Variants in RBM20 observed in about 807,000 individuals in gnomAD.
RBM20 encodes RNA-binding protein 20.
A neutral mutation model predicts 110.1 loss-of-function variants in RBM20; 51 were observed. The ratio of observed to expected loss-of-function variants is 0.46; its 90% CI spans 0.37 to 0.59. The LOEUF is 0.59. RBM20 is among the 20% of genes least tolerant of loss of function. The pLI is 0.00. For synonymous variants in RBM20, 589 were observed against 618.2 expected (o/e 0.95, Z 0.70); for missense variants, 1,512 against 1,574.9 (o/e 0.96, Z 0.68).
intron 1 of RBM20, among the ~76,000 whole-genome samples, chr10:110,726,664 TC>T (rs1298533653): frequency 6.6e-6 from 1 of 152,206 alleles, no homozygotes; most frequent in Non-Finnish European, 1.5e-5. Flanking sequence ...CAAAACCACT[TC>T]CACTTCTGAT....
At chr10:110,831,831 T>C (rs1423684368) in intron 13 of RBM20, among the ~76,000 whole-genome samples, 1 of 152,130 alleles carries the variant, frequency 6.6e-6, no homozygotes, top group African/African-American at 2.4e-5. Context: ...TCTCATGGAT[T>C]TTTCATTCTA....
intron 1 of RBM20, among the ~76,000 whole-genome samples, chr10:110,751,002 C>CAGATGGGATA (rs11282720): frequency 1.3e-5 from 2 of 151,626 alleles, no homozygotes; most frequent in Non-Finnish European, 2.9e-5. Flanking sequence ...CGAAGTGGGG[C>CAGATGGGATA]AGACTAGAGT....
Position 110,784,329 on chromosome 10 carries a change from C to T in RBM20, c.1338-12C>T, listed in dbSNP as rs976772280. The T allele has an allele frequency of 1.2e-5, 19 of 1,543,052 alleles. No homozygotes were observed. The highest frequency in any genetic ancestry group is 4.9e-5 in the East Asian group (2 of 40,896). The stretch of plus-strand genomic sequence containing the variant: ...TATTAAGGAGCCGGTTTCCCTTTCT[C>T]GCCCTCTCCAGTGCTGGCATCCGGT... On this transcript the variant is annotated splice_polypyrimidine_tract_variant and intron_variant, in intron 3 of 13. Transcript: ENST00000369519.
At chr10:110,753,411 A>G (rs1843883925) in intron 1 of RBM20, among the ~76,000 whole-genome samples, 1 of 152,204 alleles carries the variant, frequency 6.6e-6, no homozygotes, top group African/African-American at 2.4e-5. Flanking sequence ...ATTGTTCTAC[A>G]CAGTGGAAGT....
At position 110,746,061 on chromosome 10, in the gene RBM20, C is replaced by T. The variant is rs1843776084; in HGVS notation, c.192-34740C>T. Among the ~76,000 whole-genome samples, 6 of 152,246 alleles carry T rather than the reference C, an allele frequency of 3.9e-5. No homozygotes were observed. In the Middle Eastern group the frequency reaches 0.014, roughly 345 times the overall value. ...GCCTTCAGCTGTTCTTGCCTGGGCT[C>T]GCTCATCACCACGTTTGGTAGCGAT... On this transcript the variant is annotated intron_variant, in intron 1 of 13. Coordinates refer to ENST00000369519, the MANE Select transcript of RBM20 (RefSeq NM_001134363.3).
At chr10:110,834,577 A>C (rs768741099) in intron 13 of RBM20, among the ~76,000 whole-genome samples, 17 of 152,164 alleles carry the variant, frequency 1.1e-4, no homozygotes, top group African/African-American at 3.9e-4. Flanking sequence ...TCTGTGTCAA[A>C]CGCTGTACTG....
intron 1 of RBM20, among the ~76,000 whole-genome samples, chr10:110,671,086 C>G (rs1862251038): frequency 6.6e-6 from 1 of 152,182 alleles, no homozygotes; most frequent in Non-Finnish European, 1.5e-5. Context: ...CTCGAAGCCC[C>G]CAGGCCTAGA....
At chr10:110,805,255 A>G (rs1844679938) in intron 7 of RBM20, among the ~76,000 whole-genome samples, 1 of 152,186 alleles carries the variant, frequency 6.6e-6, no homozygotes, top group African/African-American at 2.4e-5. Context: ...GAAAAAGGGA[A>G]GAGATTCCTA....
chr10:110,786,315 G>C (rs893273436), intron 5 of RBM20, among the ~76,000 whole-genome samples: 3 of 152,226 alleles, frequency 2.0e-5, no homozygotes, highest in African/African-American at 7.2e-5. Context: ...GTGAACACAA[G>C]CTCACAAGAG....
At chr10:110,738,935 C>G (rs902834478) in intron 1 of RBM20, among the ~76,000 whole-genome samples, 1 of 152,234 alleles carries the variant, frequency 6.6e-6, no homozygotes, top group East Asian at 1.9e-4. Context: ...CTTGCAGATT[C>G]GTATCACAGC....
intron 1 of RBM20, among the ~76,000 whole-genome samples, chr10:110,718,103 A>G (rs1429287199): frequency 6.6e-6 from 1 of 152,090 alleles, no homozygotes; most frequent in Non-Finnish European, 1.5e-5. Context: ...CATGGCTTCC[A>G]CCCTTGCATG....
chr10:110,658,010 ATCAC>A (rs1478729079), intron 1 of RBM20, among the ~76,000 whole-genome samples: 1 of 152,208 alleles, frequency 6.6e-6, no homozygotes, highest in Non-Finnish European at 1.5e-5. Context: ...TTCAGAATCA[ATCAC>A]TCATTAGTTT....
intron 1 of RBM20, among the ~76,000 whole-genome samples, chr10:110,778,068 G>A (rs12784388): frequency 0.12 from 17,743 of 152,122 alleles, 1,284 homozygotes; most frequent in Non-Finnish European, 0.16. Flanking sequence ...GACATTGGTC[G>A]CTCCCCATTC....
At chr10:110,809,497 CATTTATTATTT>C (rs2135098257) in intron 7 of RBM20, among the ~76,000 whole-genome samples, 1 of 152,082 alleles carries the variant, frequency 6.6e-6, no homozygotes, top group Non-Finnish European at 1.5e-5. Flanking sequence ...TTTTAAAAAT[CATTTATTATTT>C]ATTTATTTTG....
intron 7 of RBM20, 21 bp from the exon 8 acceptor site, chr10:110,810,361 GT>G (rs1159644741): frequency 6.5e-7 from 1 of 1,540,552 alleles, no homozygotes. Context: ...TGATCTGATG[GT>G]GATCTCTCTG....
intron 1 of RBM20, among the ~76,000 whole-genome samples, chr10:110,687,459 A>G (rs1471099620): frequency 6.6e-6 from 1 of 152,266 alleles, no homozygotes; most frequent in Non-Finnish European, 1.5e-5. Context: ...CCAATTAAAT[A>G]TAGACATCTG....
chr10:110,666,443 G>C (rs1165876043), intron 1 of RBM20, among the ~76,000 whole-genome samples: 2 of 152,144 alleles, frequency 1.3e-5, no homozygotes, highest in Non-Finnish European at 2.9e-5. Flanking sequence ...AATAGTTTGA[G>C]ACTAGCCTGG....
chr10:110,832,378 C>T (rs768117793), intron 13 of RBM20, among the ~76,000 whole-genome samples: 8 of 152,074 alleles, frequency 5.3e-5, no homozygotes, highest in Non-Finnish European at 1.0e-4. Context: ...CTGATCTAGC[C>T]GTTCTTAACC....
chr10:110,706,571 T>G (rs10885022), intron 1 of RBM20, among the ~76,000 whole-genome samples: 106,438 of 152,064 alleles, frequency 0.7, 37,813 homozygotes, highest in East Asian at 1. Flanking sequence ...AATTCTAGAG[T>G]TTCTTTGCTG....
Sources: allele counts gnomAD v4.1 joint callset (sites outside exome capture counted in the v4.1 genomes callset), GRCh38; gene constraint gnomAD v4.1.1; transcripts MANE v1.5; gene names NCBI Gene and HGNC (gene_info 2026-07-23, HGNC 2026-07-21).